MOGAT2: variants seen among roughly 807,000 people sequenced by gnomAD.
The protein encoded by MOGAT2 is monoacylglycerol O-acyltransferase 2.
Under a neutral mutation model 31.5 loss-of-function variants are expected in MOGAT2, and 27 were observed. The observed-to-expected ratio is 0.86, with a 90% CI of 0.63 to 1.18. The LOEUF (loss-of-function observed/expected upper bound fraction) is 1.18, where lower values mean the gene tolerates loss of function less well. Ranked by LOEUF, MOGAT2 falls within the 50% of genes most tolerant of loss-of-function variation. The pLI is 0.00. For missense variants in MOGAT2, 436 were observed against 433.2 expected (o/e 1.01, Z -0.06); for synonymous variants, 163 against 170.0 (o/e 0.96, Z 0.32).
In MOGAT2 at chr11:75,721,631, C is replaced by T. The variant is rs115841356; in HGVS notation, c.270+1461C>T. 7.6e-3 allele frequency among the ~76,000 whole-genome samples: 1,161 copies of T among 152,186 alleles called. 10 individuals carry two copies. The highest frequency in any genetic ancestry group is 0.026 in the African/African-American group (1,093 of 41,492). ...ACAGGTAGCTAGTATTATTTTACCT[C>T]GGCAGTGGGACTCTGAGGAAGTGTG... On this transcript the variant is annotated intron_variant, in intron 2 of 5. Transcript: ENST00000198801.
rs1277851764 is a variant in MOGAT2 at position 75,727,358 on chromosome 11, A to G, written c.271-77A>G. ...GGAGGCTCAGAGGGGAGGTTTCCCA[A>G]GGTCACACCAGTGAGTGGCAGAGTC... is the stretch of plus-strand genomic sequence containing the variant. On this transcript the variant is annotated intron_variant, in intron 2 of 5. Coordinates refer to ENST00000198801, the MANE Select transcript of MOGAT2 (RefSeq NM_025098.4). 2.1e-6 allele frequency: 3 copies of G among 1,424,140 alleles called. No homozygotes were observed. The East Asian group carries it at 7.0e-5, about 33-fold the overall frequency. 88.2% of individuals were successfully genotyped at this position (1,424,140 alleles called of 1,614,324 possible). A position where few individuals can be genotyped will look rare whatever the true frequency, so the allele number is the denominator to read the frequency against.
At chr11:75,720,363 G>A (rs148739183) in intron 2 of MOGAT2, among the ~76,000 whole-genome samples, 193 bp downstream of exon 2, 1 of 152,330 alleles carries the variant, frequency 6.6e-6, no homozygotes, top group African/African-American at 2.4e-5. Context: ...TCATGGTTTC[G>A]CATCTGCAGG....
rs141482778 is a variant in MOGAT2 at position 75,720,371 on chromosome 11, A to G, written c.270+201A>G. On this transcript the variant is annotated intron_variant, in intron 2 of 5. Transcript: ENST00000198801. ...TCTCCGATCATGGTTTCGCATCTGC[A>G]GGGATGCGGGGCCAATATGTGGATT... Among the ~76,000 whole-genome samples the G allele has an allele frequency of 3.6e-3, 549 of 152,320 alleles. 4 individuals carry two copies. Among genetic ancestry groups the G allele is most frequent in the African/African-American group, 0.013 (521 of 41,564 alleles).
At chr11:75,724,368 G>A (rs1763059437) in intron 2 of MOGAT2, among the ~76,000 whole-genome samples, 1 of 152,208 alleles carries the variant, frequency 6.6e-6, no homozygotes, top group African/African-American at 2.4e-5. Flanking sequence ...GGGGACAGAT[G>A]GAAGAGGTTA....
intron 1 of MOGAT2, among the ~76,000 whole-genome samples, chr11:75,718,301 G>A (rs940909984): frequency 6.6e-6 from 1 of 152,176 alleles, no homozygotes; most frequent in Non-Finnish European, 1.5e-5. Context: ...GGGCGATGAC[G>A]GGAAAGTTCT....
Position 75,732,616 on chromosome 11 carries a change from A to T in MOGAT2, c.*1330A>T, listed in dbSNP as rs1301277292. ...CCATTTGCATTTCTTTGTCTCAGCT[A>T]TATTGTCTCACCTCTGAGTTTTTGC... On this transcript the variant is annotated 3_prime_UTR_variant, in exon 6 of 6. Coordinates refer to ENST00000198801, the MANE Select transcript of MOGAT2 (RefSeq NM_025098.4). 1.3e-5 allele frequency: 2 copies of T among 152,268 alleles called. No individual in the cohort carries two copies. The highest frequency in any genetic ancestry group is 2.9e-5 in the Non-Finnish European group (2 of 68,148). 9.4% of individuals were successfully genotyped at this position (152,268 alleles called of 1,614,324 possible). A position where few individuals can be genotyped will look rare whatever the true frequency, so the allele number is the denominator to read the frequency against.
At chr11:75,725,547 C>A (rs1240145916) in intron 2 of MOGAT2, among the ~76,000 whole-genome samples, 1 of 146,484 alleles carries the variant, frequency 6.8e-6, no homozygotes, top group Non-Finnish European at 1.5e-5. Flanking sequence ...GACTCTGTCT[C>A]ATAAATAAAT....
Position 75,732,167 on chromosome 11 carries a change from C to T in MOGAT2, c.*881C>T, listed in dbSNP as rs552687189. 3.3e-5 allele frequency: 5 copies of T among 152,338 alleles called. No individual in the cohort carries two copies. The South Asian group carries it at 1.0e-3, about 32-fold the overall frequency. 9.4% of individuals were successfully genotyped at this position (152,338 alleles called of 1,614,324 possible). A position where few individuals can be genotyped will look rare whatever the true frequency, so the allele number is the denominator to read the frequency against. On this transcript the variant is annotated 3_prime_UTR_variant, in exon 6 of 6. Transcript: ENST00000198801. ...TTTTGAGGTGTGTGCACTGTTTCCA[C>T]CCTGAGGCCTGGAAGGATGAATGGA...
chr11:75,726,200 C>T (rs561027589), intron 2 of MOGAT2, among the ~76,000 whole-genome samples: 5 of 152,214 alleles, frequency 3.3e-5, no homozygotes, highest in African/African-American at 1.2e-4. Context: ...CAAGCTGCTG[C>T]GATGGCTGGG....
chr11:75,722,182 T>A (rs143523101), intron 2 of MOGAT2, among the ~76,000 whole-genome samples: 11 of 152,330 alleles, frequency 7.2e-5, no homozygotes, highest in Non-Finnish European at 1.5e-4. Flanking sequence ...AACTTAGGGC[T>A]TGCTGAGTTC....
At position 75,717,950 on chromosome 11, in the gene MOGAT2, TAC is replaced by T; in HGVS notation, c.64_65del (p.Gln22ValfsTer74). 6.2e-7 allele frequency: 1 copy of T among 1,614,240 alleles called. No individual in the cohort carries two copies. The highest frequency in any genetic ancestry group is 8.5e-7 in the Non-Finnish European group (1 of 1,180,034). ...CGCAGGCTGCAGACACTTGCTGTCC[TAC>T]AGTTTGTCTTCTCCTTCTTGGCACT... On this transcript the variant is annotated frameshift_variant, in exon 1 of 6. Transcript: ENST00000198801. LOFTEE classifies it high-confidence loss of function.
chr11:75,718,027 G>GTGCGGT (rs776662234), intron 1 of MOGAT2, 48 bp downstream of exon 1: 1 of 1,567,514 alleles, frequency 6.4e-7, no homozygotes, highest in African/African-American at 1.3e-5. Flanking sequence ...ACTCAGGTGG[G>GTGCGGT]GCAGAGCAGC....
chr11:75,731,156 A>T lies in MOGAT2; in HGVS notation c.875A>T (p.Lys292Met), dbSNP rs796734658. Residue 292 changes from lysine (K) to methionine (M), a missense_variant, in exon 6 of 6, where the codon AAG (lysine) becomes ATG (methionine). Lys to Met is a moderately conservative substitution (Grantham distance 95). Transcript: ENST00000198801. ...GTGGGGAAGCCCATCGAGGTACAGA[A>T]GACGCTGCATCCCTCGGAGGAGGAG... Reference protein sequence around the residue: ...TVVGKPIEVQKTLHPSEEEVN... With the variant: ...TVVGKPIEVQMTLHPSEEEVN... 6.2e-7 allele frequency: 1 copy of T among 1,613,900 alleles called. No homozygotes were observed. The highest frequency in any genetic ancestry group is 1.7e-5 in the Admixed American group (1 of 59,978).
At chr11:75,723,247 G>A (rs1229820934) in intron 2 of MOGAT2, among the ~76,000 whole-genome samples, 1 of 149,342 alleles carries the variant, frequency 6.7e-6, no homozygotes, top group Non-Finnish European at 1.5e-5. Context: ...CACTGCACCT[G>A]GCTCTGTGCA....
In MOGAT2 at chr11:75,720,178, T is replaced by C; in HGVS notation, c.270+8T>C. 3 of 1,607,084 alleles carry C rather than the reference T, an allele frequency of 1.9e-6. No individual in the cohort carries two copies. Among genetic ancestry groups the C allele is most frequent in the Non-Finnish European group, 1.7e-6 (2 of 1,175,680 alleles). On this transcript the variant is annotated splice_region_variant and intron_variant, in intron 2 of 5. Transcript: ENST00000198801. Reference sequence around the variant, plus strand: ...GACTATTTCCCCATCTCGGTGAGTATTGAGGCTGGTTGGGGTTGGGGAGGG... The same window carrying C: ...GACTATTTCCCCATCTCGGTGAGTACTGAGGCTGGTTGGGGTTGGGGAGGG...
At chr11:75,728,561 A>G (rs1450885331) in intron 4 of MOGAT2, 2 of 592,268 alleles carry the variant, frequency 3.4e-6, no homozygotes, top group Non-Finnish European at 6.0e-6. Flanking sequence ...ATTCTGGTCT[A>G]CCTCTCATGG....
Position 75,728,983 on chromosome 11 carries a change from A to G in MOGAT2, c.844A>G (p.Thr282Ala), listed in dbSNP as rs766273873. Residue 282 changes from threonine (T) to alanine (A), a missense_variant, in exon 5 of 6, where the codon ACT (threonine) becomes GCT (alanine). Thr to Ala is a moderately conservative substitution (Grantham distance 58). Transcript: ENST00000198801. ...AATACCCTACCGCCGGCCCATCACC[A>G]CTGTGGGTAAGTCCAGGACCAGGCT... The part of the protein sequence containing the change: ...GLIPYRRPIT[T>A]VVGKPIEVQK... 8 of 1,613,452 alleles carry G rather than the reference A, an allele frequency of 5.0e-6. No individual in the cohort carries two copies. Among genetic ancestry groups the G allele is most frequent in the East Asian group, 4.5e-5 (2 of 44,896 alleles).
Position 75,728,013 on chromosome 11 carries a change from C to G in MOGAT2, c.519C>G (p.Asn173Lys). ...SEKESAAHIL[N>K]RKGGGNLLGI... ...AGGAGAGTGCTGCTCACATTCTGAA[C>G]AGGAAGGGTGGCGGAAACTTGCTGG... Residue 173 changes from asparagine to lysine, a missense_variant, in exon 4 of 6, where the codon AAC (asparagine) becomes AAG (lysine). Transcript: ENST00000198801. 7 of 1,613,820 alleles carry G rather than the reference C, an allele frequency of 4.3e-6. No homozygotes were observed. Among genetic ancestry groups the G allele is most frequent in the Non-Finnish European group, 5.9e-6 (7 of 1,179,812 alleles).
At chr11:75,719,725 C>A in intron 1 of MOGAT2, 1 of 476,426 alleles carries the variant, frequency 2.1e-6, no homozygotes, top group Non-Finnish European at 3.8e-6. Flanking sequence ...AATTAGGCGG[C>A]CTGGTGCAGT....
Sources: allele counts gnomAD v4.1 joint callset (sites outside exome capture counted in the v4.1 genomes callset), GRCh38; gene constraint gnomAD v4.1.1; transcripts MANE v1.5; gene names NCBI Gene and HGNC (gene_info 2026-07-23, HGNC 2026-07-21).